The following OTUD7A variants were observed in gnomAD, a reference collection of about 807,000 sequenced individuals.
The protein encoded by OTUD7A is OTU deubiquitinase 7A.
OTUD7A carries 12 observed loss-of-function variants against 65.7 expected under a neutral mutation model. That is an observed-to-expected ratio of 0.18 (90% CI 0.12 to 0.30). The LOEUF (loss-of-function observed/expected upper bound fraction) is 0.30, where lower values mean the gene tolerates loss of function less well. Ranked by LOEUF, OTUD7A falls within the 10% of genes least tolerant of loss-of-function variation. OTUD7A has a pLI of 1.00. For synonymous variants in OTUD7A, 641 were observed against 586.3 expected (o/e 1.09, Z -1.35); for missense variants, 1,148 against 1,304.8 (o/e 0.88, Z 1.85).
At chr15:31,814,038 T>C (rs147904840) in intron 1 of OTUD7A, among the ~76,000 whole-genome samples, 334 of 152,364 alleles carry the variant, frequency 2.2e-3, no homozygotes, top group Middle Eastern at 0.01. Flanking sequence ...TCAATCCATG[T>C]AGACTAGGTC....
At chr15:31,849,024 T>G (rs928069158) in intron 1 of OTUD7A, among the ~76,000 whole-genome samples, 1 of 152,232 alleles carries the variant, frequency 6.6e-6, no homozygotes, top group African/African-American at 2.4e-5. Context: ...AAATTAAGAA[T>G]GCTGAATATT....
chr15:31,786,934 G>A (rs1019701894), intron 1 of OTUD7A, among the ~76,000 whole-genome samples: 2 of 152,154 alleles, frequency 1.3e-5, no homozygotes, highest in African/African-American at 2.4e-5. Flanking sequence ...AAGACCCTAA[G>A]GAGGAGGGGA....
rs116890044 is a variant in OTUD7A, at chr15:31,749,942, C to A, written c.-99-92865G>T. ...ATAACATTCAAGCTGGGAGTCAAAT[C>A]AAGAACACAATGCCATTTACAATGG... On this transcript the variant is annotated intron_variant, in intron 1 of 12. Transcript: ENST00000307050. Among the ~76,000 whole-genome samples, 587 of 152,140 alleles carry A rather than the reference C, an allele frequency of 3.9e-3. 2 individuals carry two copies. The highest frequency in any genetic ancestry group is 0.013 in the Admixed American group (199 of 15,266).
At chr15:31,612,650 C>A (rs1317571488) in intron 3 of OTUD7A, among the ~76,000 whole-genome samples, 2 of 152,088 alleles carry the variant, frequency 1.3e-5, no homozygotes, top group Non-Finnish European at 2.9e-5. Context: ...ATAGATGACA[C>A]AAACAAATGG....
rs1302535094 is a variant in OTUD7A, at chr15:31,483,793, C to T, written c.2303G>A (p.Arg768His). The T allele has an allele frequency of 1.5e-5, 16 of 1,033,196 alleles. No individual in the cohort carries two copies. In the African/African-American group the frequency reaches 2.6e-4, roughly 17 times the overall value. 64.0% of individuals were successfully genotyped at this position (1,033,196 alleles called of 1,614,324 possible). Residue 768 changes from arginine (R) to histidine (H), a missense_variant, in exon 13 of 13, where the codon CGC becomes CAC. Arg to His is a conservative substitution (Grantham distance 29, BLOSUM62 0). Transcript: ENST00000307050. ...CTGGCGCGCTGGCGCCGGGGGGCTG[C>T]GGCCAGGCACTGGTCCGCTGGCGCT... ...RASASGPVPG[R>H]SPPAPARQSV...
intron 1 of OTUD7A, among the ~76,000 whole-genome samples, chr15:31,663,121 T>C (rs1217662985): frequency 1.3e-5 from 2 of 151,600 alleles, no homozygotes; most frequent in Admixed American, 6.6e-5. Flanking sequence ...CCTTGATTAA[T>C]GCATTCAATA....
intron 3 of OTUD7A, among the ~76,000 whole-genome samples, chr15:31,630,988 CAT>C (rs1403117389): frequency 1.3e-5 from 2 of 152,160 alleles, no homozygotes; most frequent in Non-Finnish European, 2.9e-5. Flanking sequence ...TGTCTCTGCA[CAT>C]GAGATGGGTT....
chr15:31,604,393 A>G lies in OTUD7A; in HGVS notation c.152-34196T>C, dbSNP rs1245882084. Among the ~76,000 whole-genome samples, 3 of 152,090 alleles carry G rather than the reference A, an allele frequency of 2.0e-5. No individual in the cohort carries two copies. In the East Asian group the frequency reaches 5.8e-4, roughly 29 times the overall value. ...CTCACTCATAAGTGGGAGTTGAACA[A>G]TGAGAACACATGGACACACAGAGGG... is the stretch of plus-strand genomic sequence containing the variant. On this transcript the variant is annotated intron_variant, in intron 3 of 12. Coordinates refer to ENST00000307050, the MANE Select transcript of OTUD7A (RefSeq NM_001382637.1).
intron 1 of OTUD7A, among the ~76,000 whole-genome samples, chr15:31,839,256 A>G (rs1454006795): frequency 6.6e-6 from 1 of 152,218 alleles, no homozygotes; most frequent in Non-Finnish European, 1.5e-5. Flanking sequence ...CGCTGGCCTC[A>G]ATACTGGATG....
At chr15:31,687,185 T>C (rs35796685) in intron 1 of OTUD7A, among the ~76,000 whole-genome samples, 35,973 of 150,594 alleles carry the variant, frequency 0.24, 4,616 homozygotes, top group African/African-American at 0.33. Context: ...GACAACAGAC[T>C]AGGGAGGTTC....
chr15:31,861,409 C>T (rs1897738537), intron 1 of OTUD7A, among the ~76,000 whole-genome samples: 1 of 152,180 alleles, frequency 6.6e-6, no homozygotes, highest in South Asian at 2.1e-4. Flanking sequence ...CACCTGTATC[C>T]ACTCCTTTTC....
rs1369005584 is a variant in OTUD7A at position 31,484,635 on chromosome 15, C to A, written c.1461G>T (p.Ser487=). 1.3e-6 allele frequency: 2 copies of A among 1,590,378 alleles called. No individual in the cohort carries two copies. Among genetic ancestry groups the A allele is most frequent in the African/African-American group, 1.3e-5 (1 of 74,528 alleles). Reference sequence around the variant, plus strand: ...TATTGCTGTTAGAATTGCTGCACACCGAATCGCGGTCCGAGTCCAGCGAGT... The same window carrying A: ...TATTGCTGTTAGAATTGCTGCACACAGAATCGCGGTCCGAGTCCAGCGAGT... ...LADSLDSDRD[S]VCSNSNSNNG... Residue 487 remains serine (S), a synonymous_variant, in exon 13 of 13, where the codon TCG becomes TCT. Coordinates refer to ENST00000307050, the MANE Select transcript of OTUD7A (RefSeq NM_001382637.1). The surrounding 1 kb of genome is among the most constrained non-coding windows in gnomAD (Gnocchi z 4.5).
At chr15:31,610,617 A>ATATATATATATATTTTT in intron 3 of OTUD7A, among the ~76,000 whole-genome samples, 3 of 30,554 alleles carry the variant, frequency 9.8e-5, no homozygotes, top group East Asian at 1.9e-3. Flanking sequence ...ATATATATAT[A>ATATATATATATATTTTT]TTTTTTTTTT....
chr15:31,809,022 A>G (rs1025885028), intron 1 of OTUD7A, among the ~76,000 whole-genome samples: 5 of 152,216 alleles, frequency 3.3e-5, no homozygotes, highest in African/African-American at 1.2e-4. Flanking sequence ...CAAGGGACCA[A>G]GAAGTGCCTG....
At chr15:31,563,241 G>T (rs1401326553) in intron 4 of OTUD7A, among the ~76,000 whole-genome samples, 4 of 152,206 alleles carry the variant, frequency 2.6e-5, no homozygotes, top group Admixed American at 2.6e-4. Flanking sequence ...GAGCAGGACT[G>T]CCATGTGGCC....
intron 1 of OTUD7A, among the ~76,000 whole-genome samples, chr15:31,796,935 T>C (rs1207109061): frequency 2.6e-5 from 4 of 152,216 alleles, no homozygotes; most frequent in African/African-American, 7.2e-5. Flanking sequence ...GGTTTCACCA[T>C]GTTGGCCAGG....
At chr15:31,828,600 G>A (rs1012433775) in intron 1 of OTUD7A, among the ~76,000 whole-genome samples, 3 of 152,120 alleles carry the variant, frequency 2.0e-5, no homozygotes, top group African/African-American at 7.2e-5. Flanking sequence ...AGTCATCTTT[G>A]AGATCAGCTA....
At chr15:31,577,251 T>C (rs900340588) in intron 3 of OTUD7A, among the ~76,000 whole-genome samples, 1 of 152,168 alleles carries the variant, frequency 6.6e-6, no homozygotes, top group African/African-American at 2.4e-5. Context: ...TCTGACACGT[T>C]GTAAGGTCTG....
chr15:31,729,520 G>T (rs973341573), intron 1 of OTUD7A, among the ~76,000 whole-genome samples: 6 of 152,018 alleles, frequency 3.9e-5, no homozygotes, highest in Non-Finnish European at 8.8e-5. Context: ...GCCCTTTTTT[G>T]GTTTTCCTTT....
Sources: allele counts gnomAD v4.1 joint callset (sites outside exome capture counted in the v4.1 genomes callset), GRCh38; gene constraint gnomAD v4.1.1; non-coding constraint Gnocchi (gnomAD v3.1); transcripts MANE v1.5; gene names NCBI Gene and HGNC (gene_info 2026-07-23, HGNC 2026-07-21).